Variants in ARHGAP6 observed in about 807,000 individuals in gnomAD.
The protein encoded by ARHGAP6 is Rho GTPase activating protein 6.
ARHGAP6 carries 16 observed loss-of-function variants against 55.7 expected under a neutral mutation model. The observed-to-expected ratio is 0.29, with a 90% CI of 0.19 to 0.44. The LOEUF is 0.44. Ranked by LOEUF, ARHGAP6 falls within the 20% of genes least tolerant of loss-of-function variation. The pLI is 1.00. For missense variants in ARHGAP6, 698 were observed against 808.9 expected (o/e 0.86, Z 1.66); for synonymous variants, 382 against 360.9 (o/e 1.06, Z -0.66).
At chrX:11,324,010 CA>C (rs1428835326) in intron 1 of ARHGAP6, among the ~76,000 whole-genome samples, 5 of 111,203 alleles carry the variant, frequency 4.5e-5, no homozygotes, top group Middle Eastern at 4.7e-3. Context: ...TGATTAACAG[CA>C]GAAACAATAG....
intron 1 of ARHGAP6, among the ~76,000 whole-genome samples, chrX:11,588,688 T>C (rs991070563): frequency 1.1e-4 from 12 of 112,510 alleles, no homozygotes; most frequent in African/African-American, 3.9e-4. Context: ...ATTGTATGAC[T>C]GCACTTCTAT....
chrX:11,541,149 C>T (rs1023508347), intron 1 of ARHGAP6, among the ~76,000 whole-genome samples: 4 of 112,157 alleles, frequency 3.6e-5, no homozygotes, highest in Middle Eastern at 4.6e-3. Context: ...AGAGGCATGC[C>T]ACACCACATA....
At chrX:11,626,366 T>C (rs1259968669) in intron 1 of ARHGAP6, among the ~76,000 whole-genome samples, 1 of 111,822 alleles carries the variant, frequency 8.9e-6, no homozygotes, top group Non-Finnish European at 1.9e-5. Flanking sequence ...CAGGGTTTTA[T>C]GATCTGTACA....
intron 1 of ARHGAP6, among the ~76,000 whole-genome samples, chrX:11,359,203 G>A (rs1340003688): frequency 8.9e-6 from 1 of 111,979 alleles, no homozygotes; most frequent in African/African-American, 3.2e-5. Context: ...AATCTGTACA[G>A]AAACATTTTC....
At chrX:11,480,984 T>C (rs191510673) in intron 1 of ARHGAP6, among the ~76,000 whole-genome samples, 8 of 112,156 alleles carry the variant, frequency 7.1e-5, no homozygotes, top group Non-Finnish European at 1.5e-4. Context: ...AACTCACAAA[T>C]CAGCTGATCT....
Position 11,425,000 on chromosome X carries a change from TCTAA to T in ARHGAP6, c.589-170297_589-170294del, listed in dbSNP as rs770780112. 3.6e-5 allele frequency among the ~76,000 whole-genome samples: 4 copies of T among 112,395 alleles called. No homozygotes were observed. In the South Asian group the frequency reaches 1.5e-3, roughly 42 times the overall value. ...ATAGCAACTCCTAACATTTTCACTATCTAACTGTCTCTTTGGAAAATTGACCAAA... is the reference window on the plus strand; with the variant it reads ...ATAGCAACTCCTAACATTTTCACTATCTGTCTCTTTGGAAAATTGACCAAA... On this transcript the variant is annotated intron_variant, in intron 1 of 12. Transcript: ENST00000337414.
intron 1 of ARHGAP6, among the ~76,000 whole-genome samples, chrX:11,286,952 T>G (rs2047928593): frequency 1.8e-5 from 2 of 112,176 alleles, no homozygotes; most frequent in East Asian, 5.6e-4. Flanking sequence ...GGATTTCTTT[T>G]CAGGTGATGA....
chrX:11,275,155 C>T (rs987772263), intron 1 of ARHGAP6, among the ~76,000 whole-genome samples: 3 of 111,734 alleles, frequency 2.7e-5, no homozygotes, highest in Non-Finnish European at 5.7e-5. Flanking sequence ...ATAGATTTAA[C>T]TATCTCTACA....
chrX:11,603,499 C>T (rs1391186584), intron 1 of ARHGAP6, among the ~76,000 whole-genome samples: 2 of 111,554 alleles, frequency 1.8e-5, no homozygotes, highest in African/African-American at 6.5e-5. Context: ...GTTTACAGAT[C>T]TCATTTGTGT....
chrX:11,165,769 G>C (rs1184814556), intron 9 of ARHGAP6, among the ~76,000 whole-genome samples: 1 of 110,829 alleles, frequency 9.0e-6, no homozygotes, highest in Non-Finnish European at 1.9e-5. Flanking sequence ...CAAAGGTGTG[G>C]TTAGGAAACT....
chrX:11,444,640 G>T (rs1325861425), intron 1 of ARHGAP6, among the ~76,000 whole-genome samples: 1 of 112,055 alleles, frequency 8.9e-6, no homozygotes, highest in East Asian at 2.8e-4. Context: ...CTTTTGAATG[G>T]TGTGGTCCCA....
intron 1 of ARHGAP6, among the ~76,000 whole-genome samples, chrX:11,321,149 T>C (rs1300156109): frequency 8.9e-6 from 1 of 112,261 alleles, no homozygotes; most frequent in Non-Finnish European, 1.9e-5. Flanking sequence ...TAACTGTATA[T>C]GGATGTAAGC....
In ARHGAP6 at chrX:11,153,907, C is replaced by T. The variant is rs367858083; in HGVS notation, c.1907+2622G>A. ...ATGCATGTGCCATGTTGGTGTGCTG[C>T]ACCCATTAACTCGTCATTTAGCATT... On this transcript the variant is annotated intron_variant, in intron 10 of 12. Coordinates refer to ENST00000337414, the MANE Select transcript of ARHGAP6 (RefSeq NM_013427.3). Among the ~76,000 whole-genome samples the T allele has an allele frequency of 2.7e-5, 3 of 110,675 alleles. No homozygotes were observed. In the East Asian group the frequency reaches 8.5e-4, roughly 31 times the overall value.
At chrX:11,259,247 T>C (rs1331249347) in intron 1 of ARHGAP6, among the ~76,000 whole-genome samples, 1 of 112,198 alleles carries the variant, frequency 8.9e-6, no homozygotes, top group African/African-American at 3.2e-5. Flanking sequence ...GATGTTTGTC[T>C]TTCTGTGCCT....
chrX:11,557,232 G>T (rs1448960940), intron 1 of ARHGAP6, among the ~76,000 whole-genome samples: 1 of 111,990 alleles, frequency 8.9e-6, no homozygotes, highest in African/African-American at 3.2e-5. Context: ...TCTGGAAGCA[G>T]ATCAAAGTTT....
intron 1 of ARHGAP6, among the ~76,000 whole-genome samples, chrX:11,611,306 T>G (rs1034511061): frequency 2.3e-4 from 26 of 112,321 alleles, no homozygotes; most frequent in African/African-American, 8.4e-4. Flanking sequence ...AAAGACACTT[T>G]ACAAGAGAAT....
At chrX:11,180,060 T>G (rs764551703) in intron 6 of ARHGAP6, among the ~76,000 whole-genome samples, 1 of 110,531 alleles carries the variant, frequency 9.0e-6, no homozygotes, top group Admixed American at 9.7e-5. Context: ...TGATAACACA[T>G]TTATGACTAA....
At chrX:11,376,154 G>T (rs1453377154) in intron 1 of ARHGAP6, among the ~76,000 whole-genome samples, 1 of 111,986 alleles carries the variant, frequency 8.9e-6, no homozygotes, top group Non-Finnish European at 1.9e-5. Context: ...ATGCGATAAG[G>T]AGAGAAATAA....
chrX:11,586,074 T>G (rs745732834), intron 1 of ARHGAP6, among the ~76,000 whole-genome samples: 51 of 111,796 alleles, frequency 4.6e-4, no homozygotes, highest in African/African-American at 1.6e-3. Context: ...CATTGGGGAT[T>G]AAAATTCAAC....
Sources: gnomAD v4.1 joint callset for allele counts (sites outside exome capture counted in the v4.1 genomes callset) on GRCh38, gnomAD v4.1.1 for gene constraint, MANE v1.5 for transcripts, NCBI Gene and HGNC (gene_info 2026-07-23, HGNC 2026-07-21) for gene names.